Variants in ABCC3 observed in about 807,000 individuals in gnomAD.
ABCC3 encodes the protein ATP-binding cassette sub-family C member 3.
ABCC3 carries 121 observed loss-of-function variants against 165.3 expected under a neutral mutation model. The ratio of observed to expected loss-of-function variants is 0.73; its 90% confidence interval spans 0.63 to 0.85. The LOEUF (loss-of-function observed/expected upper bound fraction) is 0.85. Among genes scored for constraint, ABCC3 ranks in the 40% least tolerant of loss-of-function variants. ABCC3 has a pLI of 0.00. For missense variants in ABCC3, 1,869 were observed against 1,964.1 expected, an observed-to-expected ratio of 0.95 and a Z score of 0.92; for synonymous variants, 733 against 810.1, an observed-to-expected ratio of 0.90 and a Z score of 1.62.
At chr17:50,671,702 C>CTTT (rs386386244) in intron 17 of ABCC3, among the ~76,000 whole-genome samples, 3,810 of 56,336 alleles carry the variant, frequency 0.068, 907 homozygotes, top group Non-Finnish European at 0.1. Flanking sequence ...TCCTTCCTTC[C>CTTT]TTTTTTTTTT....
intron 11 of ABCC3, 152 bp downstream of exon 11, chr17:50,665,397 C>T (rs1370345797): frequency 9.2e-6 from 6 of 649,840 alleles, no homozygotes; most frequent in Non-Finnish European, 1.6e-5. Flanking sequence ...TCACTCTTCC[C>T]TCACAGCTCT....
At chr17:50,674,375 T>C (rs1364382650) in intron 19 of ABCC3, 1 of 152,102 alleles carries the variant, frequency 6.6e-6, no homozygotes, top group African/African-American at 2.4e-5. Context: ...TCAGAGCCTG[T>C]TTTCCATCTG....
chr17:50,639,748 C>G (rs892878178), intron 1 of ABCC3, among the ~76,000 whole-genome samples: 7 of 148,024 alleles, frequency 4.7e-5, no homozygotes, highest in Non-Finnish European at 7.4e-5. Flanking sequence ...TAACTCTAGG[C>G]TTGGATTTTG....
chr17:50,688,532 G>C (rs1968063976), intron 30 of ABCC3: 1 of 152,240 alleles, frequency 6.6e-6, no homozygotes, highest in Non-Finnish European at 1.5e-5. Context: ...TGTGACCCTG[G>C]GCAATTTGCA....
chr17:50,651,985 GTC>G (rs1222625601), intron 1 of ABCC3, among the ~76,000 whole-genome samples: 5 of 152,152 alleles, frequency 3.3e-5, no homozygotes, highest in Admixed American at 2.0e-4. Context: ...ATGAAAACAT[GTC>G]TGTTTCAGTC....
intron 10 of ABCC3, 134 bp from the exon 11 acceptor site, chr17:50,665,019 G>C: frequency 1.4e-6 from 1 of 716,712 alleles, no homozygotes; most frequent in South Asian, 1.7e-5. Flanking sequence ...CTATCTGTTT[G>C]GCCAACCACC....
At chr17:50,673,971 T>TCCTTCCTTCCTTCCTTCCTTC (rs1567835528) in intron 19 of ABCC3, among the ~76,000 whole-genome samples, 3 of 14,672 alleles carry the variant, frequency 2.0e-4, no homozygotes, top group South Asian at 3.4e-3. Flanking sequence ...TTTCTTTCTT[T>TCCTTCCTTCCTTCCTTCCTTC]CTTTCTTTCT....
chr17:50,663,898 G>A lies in ABCC3; in HGVS notation c.1176+40G>A, dbSNP rs760559779. 7 of 1,614,218 alleles carry A rather than the reference G, an allele frequency of 4.3e-6. No homozygotes were observed. The South Asian group carries it at 7.7e-5, about 18-fold the overall frequency. ...GGCCCAGGGGAAAGGCTGGCCCTGG[G>A]CAGCTTGCAAGAGGCTCGCAGCCAA... On this transcript the variant is annotated intron_variant, in intron 9 of 30. Transcript: ENST00000285238.
intron 13 of ABCC3, 62 bp from the exon 14 acceptor site, chr17:50,668,368 G>A (rs996478196): frequency 1.3e-5 from 19 of 1,443,102 alleles, no homozygotes; most frequent in East Asian, 4.5e-5. Context: ...GGGATGGGGC[G>A]AGGGTAGGGG....
intron 1 of ABCC3, among the ~76,000 whole-genome samples, chr17:50,640,295 C>G (rs1449302958): frequency 6.6e-6 from 1 of 152,196 alleles, no homozygotes; most frequent in Non-Finnish European, 1.5e-5. Flanking sequence ...AAACACTAAT[C>G]CTGTGGGAAG....
chr17:50,649,088 G>T (rs972451162), intron 1 of ABCC3, among the ~76,000 whole-genome samples: 2 of 150,386 alleles, frequency 1.3e-5, no homozygotes, highest in African/African-American at 2.5e-5. Context: ...CTCCAGCCTG[G>T]GCGACAGAGG....
intron 13 of ABCC3, 78 bp from the exon 14 acceptor site, chr17:50,668,352 A>T: frequency 2.3e-6 from 3 of 1,299,854 alleles, no homozygotes; most frequent in Non-Finnish European, 3.3e-6. Context: ...CTAGCCCAGG[A>T]TGCTGGGGAT....
rs1967973474 is a variant in ABCC3, at chr17:50,683,946, C to A, written c.3955-3C>A. On this transcript the variant is annotated splice_polypyrimidine_tract_variant and splice_region_variant and intron_variant, in intron 27 of 30. Transcript: ENST00000285238. The stretch of plus-strand genomic sequence containing the variant: ...CTCAGAGCCCCTTCCCTTCTCCGCC[C>A]AGGTGGGGATCGTGGGCCGCACTGG... 6.2e-7 allele frequency: 1 copy of A among 1,612,728 alleles called. No individual in the cohort carries two copies. The highest frequency in any genetic ancestry group is 1.3e-5 in the African/African-American group (1 of 74,962).
At chr17:50,641,041 C>T (rs548600840) in intron 1 of ABCC3, among the ~76,000 whole-genome samples, 2 of 152,294 alleles carry the variant, frequency 1.3e-5, no homozygotes, top group African/African-American at 2.4e-5. Flanking sequence ...GTCAACAGGC[C>T]TGGGGCCCCC....
chr17:50,666,506 T>C (rs1967530622), intron 11 of ABCC3, among the ~76,000 whole-genome samples: 1 of 152,200 alleles, frequency 6.6e-6, no homozygotes, highest in African/African-American at 2.4e-5. Flanking sequence ...AAGTCCACCC[T>C]GACTGCCCAG....
intron 29 of ABCC3, among the ~76,000 whole-genome samples, chr17:50,685,474 A>G (rs1968007816): frequency 6.6e-6 from 1 of 152,238 alleles, no homozygotes. Flanking sequence ...ATATGAAGCT[A>G]ATGTTTTTTT....
intron 26 of ABCC3, among the ~76,000 whole-genome samples, chr17:50,680,919 A>G (rs938468298): frequency 6.6e-6 from 1 of 152,106 alleles, no homozygotes; most frequent in Admixed American, 6.5e-5. Context: ...TACTAAAAAT[A>G]CAAAAAAATA....
chr17:50,659,377 C>G lies in ABCC3; in HGVS notation c.806+9C>G. Reference sequence around the variant, plus strand: ...GAAAAGCAGACGGCACGGTGAGGCCCTCCCCTTGCCCCAACACCCAGCCCC... The same window carrying G: ...GAAAAGCAGACGGCACGGTGAGGCCGTCCCCTTGCCCCAACACCCAGCCCC... On this transcript the variant is annotated intron_variant, in intron 7 of 30. Transcript: ENST00000285238. 6.2e-7 allele frequency: 1 copy of G among 1,602,298 alleles called. No individual in the cohort carries two copies. Among genetic ancestry groups the G allele is most frequent in the Admixed American group, 1.7e-5 (1 of 59,722 alleles).
chr17:50,680,647 C>G (rs1035565411), intron 26 of ABCC3, among the ~76,000 whole-genome samples: 1 of 152,156 alleles, frequency 6.6e-6, no homozygotes, highest in African/African-American at 2.4e-5. Flanking sequence ...AGCCTAGAGT[C>G]TATGCTCCAC....
Sources: gnomAD v4.1 joint callset for allele counts (sites outside exome capture counted in the v4.1 genomes callset) on GRCh38, gnomAD v4.1.1 for gene constraint, MANE v1.5 for transcripts, NCBI Gene and HGNC (gene_info 2026-07-23, HGNC 2026-07-21) for gene names.